Variants in AIMP1 observed in about 807,000 individuals in gnomAD.
AIMP1 encodes the protein aminoacyl tRNA synthase complex-interacting multifunctional protein 1.
AIMP1 carries 24 observed loss-of-function variants against 33.1 expected under a neutral mutation model. The observed-to-expected ratio is 0.73, with a 90% confidence interval of 0.53 to 1.02. The LOEUF is 1.02. AIMP1 is among the 50% of genes least tolerant of loss of function. The probability of loss-of-function intolerance (pLI) is 0.00; values close to 1 mark genes in which losing one functional copy is unlikely to be tolerated. For missense variants in AIMP1, 367 were observed against 364.8 expected (o/e 1.01, Z -0.05); for synonymous variants, 120 against 121.5 (o/e 0.99, Z 0.08).
At chr4:106,322,075 T>C (rs1203294817) in intron 1 of AIMP1, among the ~76,000 whole-genome samples, 1 of 152,142 alleles carries the variant, frequency 6.6e-6, no homozygotes, top group African/African-American at 2.4e-5. Context: ...GTTAAACAGA[T>C]GCTTGAAGGC....
At chr4:106,327,628 T>G in intron 3 of AIMP1, 64 bp downstream of exon 3, 1 of 1,190,836 alleles carries the variant, frequency 8.4e-7, no homozygotes, top group Non-Finnish European at 1.2e-6. Context: ...ACACCAACAG[T>G]GAGGAAAGAA....
At chr4:106,336,385 A>G (rs1473554101) in intron 5 of AIMP1, among the ~76,000 whole-genome samples, 2 of 152,156 alleles carry the variant, frequency 1.3e-5, no homozygotes, top group East Asian at 1.9e-4. Context: ...AGCTCTGGAA[A>G]TGATCAAATG....
At position 106,340,623 on chromosome 4, in the gene AIMP1, T is replaced by G. The variant is rs547488834; in HGVS notation, c.772+3586T>G. Among the ~76,000 whole-genome samples the G allele has an allele frequency of 1.1e-4, 16 of 152,330 alleles. No homozygotes were observed. The South Asian group carries it at 3.3e-3, about 32-fold the overall frequency. The stretch of plus-strand genomic sequence containing the variant: ...CATTTTGCTGCAAAGGATATTAATT[T>G]CTTTTTTTAAGGCTGCATGGTATTC... On this transcript the variant is annotated intron_variant, in intron 6 of 6. Transcript: ENST00000672341.
chr4:106,336,207 A>AT (rs1433086712), intron 5 of AIMP1, among the ~76,000 whole-genome samples: 3 of 145,764 alleles, frequency 2.1e-5, no homozygotes, highest in Admixed American at 6.9e-5. Context: ...GAATTTTTTT[A>AT]TTTTTTGTAG....
In AIMP1 at chr4:106,349,422, A is replaced by G. The variant is rs760209003; in HGVS notation, c.*1730A>G. Among the ~76,000 whole-genome samples the G allele has an allele frequency of 1.3e-5, 2 of 152,096 alleles. No individual in the cohort carries two copies. Among genetic ancestry groups the G allele is most frequent in the African/African-American group, 4.8e-5 (2 of 41,424 alleles). ...ATTAAATCGTTCATCAAACCTAGAG[A>G]TAATAAAAACTATTGGTCTTTTGTT... On this transcript the variant is annotated 3_prime_UTR_variant, in exon 7 of 7. Transcript: ENST00000672341.
At chr4:106,316,676 G>C in intron 1 of AIMP1, 82 bp downstream of exon 1, 1 of 1,408,962 alleles carries the variant, frequency 7.1e-7, no homozygotes, top group Non-Finnish European at 9.7e-7. Flanking sequence ...CTTGCCTCCA[G>C]GAGAGAGGAC....
intron 4 of AIMP1, 99 bp from the exon 5 acceptor site, chr4:106,331,573 T>C (rs1561027118): frequency 1.0e-6 from 1 of 997,016 alleles, no homozygotes; most frequent in Non-Finnish European, 1.6e-6. Flanking sequence ...TTTTTATTTT[T>C]TCCTTTTAAG....
chr4:106,335,452 A>G (rs1769837836), intron 5 of AIMP1, among the ~76,000 whole-genome samples: 1 of 152,160 alleles, frequency 6.6e-6, no homozygotes, highest in Admixed American at 6.5e-5. Flanking sequence ...AAAAAAAAAA[A>G]GATAGTACTA....
intron 1 of AIMP1, among the ~76,000 whole-genome samples, chr4:106,319,999 T>C (rs1460178371): frequency 2.0e-5 from 3 of 152,240 alleles, no homozygotes; most frequent in Non-Finnish European, 4.4e-5. Flanking sequence ...TTCTTCTCTG[T>C]ATAATGGAGA....
chr4:106,326,497 AT>A (rs1303019005), intron 2 of AIMP1, among the ~76,000 whole-genome samples: 1 of 152,058 alleles, frequency 6.6e-6, no homozygotes. Context: ...GAGAACCATT[AT>A]TTTTCTCTTA....
At chr4:106,342,555 T>C (rs1195426313) in intron 6 of AIMP1, among the ~76,000 whole-genome samples, 1 of 152,208 alleles carries the variant, frequency 6.6e-6, no homozygotes, top group African/African-American at 2.4e-5. Flanking sequence ...TAATTTTTGG[T>C]CTTAATTCTA....
Position 106,347,873 on chromosome 4 carries a change from C to T in AIMP1, c.*181C>T, listed in dbSNP as rs189803309. On this transcript the variant is annotated 3_prime_UTR_variant, in exon 7 of 7. Transcript: ENST00000672341. ...TTGGGGAAACACTAGATTTTTACCT[C>T]GGTTTTTGATCATTTATAATGGAGA... 2.0e-5 allele frequency: 11 copies of T among 546,398 alleles called. No homozygotes were observed. Among genetic ancestry groups the T allele is most frequent in the African/African-American group, 3.9e-5 (2 of 51,410 alleles). The allele number at this position is 546,398 out of a possible 1,614,324, so 33.8% of individuals were successfully genotyped here.
chr4:106,341,976 A>G (rs1304704037), intron 6 of AIMP1, among the ~76,000 whole-genome samples: 1 of 151,214 alleles, frequency 6.6e-6, no homozygotes, highest in African/African-American at 2.4e-5. Flanking sequence ...TTTCAGCAGT[A>G]TTTTATAGTT....
intron 1 of AIMP1, among the ~76,000 whole-genome samples, chr4:106,321,797 CTG>C (rs1171719872): frequency 6.6e-6 from 1 of 152,220 alleles, no homozygotes; most frequent in Non-Finnish European, 1.5e-5. Context: ...CAGATTGTTA[CTG>C]TGTCTGTGTG....
chr4:106,328,211 AAAAG>A lies in AIMP1; in HGVS notation c.364_367del (p.Lys122ArgfsTer19). The A allele has an allele frequency of 1.2e-6, 2 of 1,611,920 alleles. No individual in the cohort carries two copies. The highest frequency in any genetic ancestry group is 1.7e-6 in the Non-Finnish European group (2 of 1,178,494). ...CAGATAAAAGGAGGAACAGGAGACG[AAAAG>A]AAAGCGAAAGAGAAAATTGAAAAGA... On this transcript the variant is annotated frameshift_variant, in exon 4 of 7. Transcript: ENST00000672341. LOFTEE classifies it high-confidence loss of function.
upstream of AIMP1, chr4:106,316,484 T>C: frequency 6.6e-7 from 1 of 1,505,242 alleles, no homozygotes; most frequent in South Asian, 1.2e-5. Context: ...ACACTCAGGC[T>C]TTCAGCAAGG....
intron 1 of AIMP1, among the ~76,000 whole-genome samples, chr4:106,319,552 TA>T (rs1344065485): frequency 6.6e-6 from 1 of 152,150 alleles, no homozygotes; most frequent in Non-Finnish European, 1.5e-5. Context: ...GCTTTTGTCC[TA>T]AAAAATGCAT....
At position 106,339,701 on chromosome 4, in the gene AIMP1, G is replaced by A. The variant is rs529581813; in HGVS notation, c.772+2664G>A. ...TACCAGCGTAGCAGAAAAGTATGAC[G>A]TGGATAGAGAACAGATTAATGTGCT... On this transcript the variant is annotated intron_variant, in intron 6 of 6. Coordinates refer to ENST00000672341, the MANE Select transcript of AIMP1 (RefSeq NM_001142416.2). Among the ~76,000 whole-genome samples the A allele has an allele frequency of 7.7e-4, 118 of 152,304 alleles. 6 individuals carry two copies. The South Asian group carries it at 0.023, about 29-fold the overall frequency.
At chr4:106,336,658 A>G (rs1371862432) in intron 5 of AIMP1, among the ~76,000 whole-genome samples, 2 of 152,202 alleles carry the variant, frequency 1.3e-5, no homozygotes, top group South Asian at 2.1e-4. Flanking sequence ...TCTTTCAACC[A>G]TAATGCGTTA....
Sources: gnomAD v4.1 joint callset for allele counts (sites outside exome capture counted in the v4.1 genomes callset) on GRCh38, gnomAD v4.1.1 for gene constraint, MANE v1.5 for transcripts, NCBI Gene and HGNC (gene_info 2026-07-23, HGNC 2026-07-21) for gene names.